The following MAP4 variants were observed in gnomAD, a reference collection of about 807,000 sequenced individuals.
The protein encoded by MAP4 is microtubule associated protein 4, also known as microtubule-associated protein 4.
MAP4 carries 76 observed loss-of-function variants against 170.2 expected under a neutral mutation model. That is an observed-to-expected ratio of 0.45 (90% confidence interval 0.37 to 0.54). The LOEUF is 0.54. Ranked by LOEUF, MAP4 falls within the 20% of genes least tolerant of loss-of-function variation. MAP4 has a pLI of 0.00. For missense variants in MAP4, 2,506 were observed against 2,748.0 expected (o/e 0.91, Z 1.97); for synonymous variants, 909 against 994.5 (o/e 0.91, Z 1.62).
At chr3:48,068,099 T>C (rs902504571) in intron 1 of MAP4, among the ~76,000 whole-genome samples, 3 of 151,550 alleles carry the variant, frequency 2.0e-5, no homozygotes, top group African/African-American at 7.3e-5. Flanking sequence ...ACCCCATCTA[T>C]ACAAAAAATA....
At chr3:48,023,355 TA>T (rs2100111494) in intron 1 of MAP4, among the ~76,000 whole-genome samples, 1 of 152,188 alleles carries the variant, frequency 6.6e-6, no homozygotes, top group Admixed American at 6.5e-5. Flanking sequence ...TAAAGAAGGA[TA>T]TTTTGTATTT....
intron 3 of MAP4, among the ~76,000 whole-genome samples, chr3:47,936,754 G>A (rs1387656696): frequency 3.9e-5 from 6 of 152,030 alleles, no homozygotes; most frequent in Admixed American, 3.3e-4. Context: ...GCCAAGGTAG[G>A]CAGATCACCT....
intron 6 of MAP4, among the ~76,000 whole-genome samples, chr3:47,918,504 A>T (rs966832497): frequency 1.3e-5 from 2 of 152,230 alleles, no homozygotes; most frequent in Non-Finnish European, 2.9e-5. Context: ...ATGTTAAAAA[A>T]TTTAAAAAAA....
chr3:47,895,021 C>CA (rs11401319), intron 10 of MAP4, among the ~76,000 whole-genome samples: 15,031 of 102,650 alleles, frequency 0.15, 2,422 homozygotes, highest in African/African-American at 0.42. Context: ...AAACCCTGTC[C>CA]AAAAAAAAAA....
intron 3 of MAP4, among the ~76,000 whole-genome samples, chr3:47,935,313 G>T (rs1326764170): frequency 6.6e-6 from 1 of 152,092 alleles, no homozygotes; most frequent in African/African-American, 2.4e-5. Context: ...GACAAAGTGG[G>T]GAAGACACAC....
intron 3 of MAP4, among the ~76,000 whole-genome samples, chr3:47,977,541 T>C (rs962605100): frequency 2.0e-5 from 3 of 152,090 alleles, no homozygotes; most frequent in African/African-American, 7.2e-5. Flanking sequence ...GTTTTAAGAG[T>C]TGTAGTGGCC....
At chr3:47,925,728 G>A (rs2100045462) in intron 4 of MAP4, among the ~76,000 whole-genome samples, 1 of 152,162 alleles carries the variant, frequency 6.6e-6, no homozygotes, top group South Asian at 2.1e-4. Context: ...GCAGTGGATA[G>A]GGAGATGGGG....
chr3:47,915,530 G>A (rs1209345432), intron 7 of MAP4, among the ~76,000 whole-genome samples: 1 of 152,100 alleles, frequency 6.6e-6, no homozygotes, highest in East Asian at 1.9e-4. Context: ...AGAATACATG[G>A]GGCAATATAT....
intron 2 of MAP4, among the ~76,000 whole-genome samples, chr3:47,988,912 A>G (rs1288264611): frequency 6.6e-6 from 1 of 152,084 alleles, no homozygotes; most frequent in Non-Finnish European, 1.5e-5. Flanking sequence ...TTCTGGGTTC[A>G]AGACTCTCTT....
At chr3:48,002,833 C>T (rs1243681282) in intron 1 of MAP4, among the ~76,000 whole-genome samples, 1 of 151,608 alleles carries the variant, frequency 6.6e-6, no homozygotes, top group African/African-American at 2.4e-5. Context: ...GCCGAGATTG[C>T]ACCACTGTAC....
intron 3 of MAP4, among the ~76,000 whole-genome samples, chr3:47,969,279 G>A (rs1164583187): frequency 6.6e-6 from 1 of 152,060 alleles, no homozygotes; most frequent in Non-Finnish European, 1.5e-5. Flanking sequence ...ATGGTGGTGG[G>A]AGCCTGTAAC....
In MAP4 at chr3:47,916,963, C is replaced by T; in HGVS notation, c.864G>A (p.Leu288=). 2 of 1,614,218 alleles carry T rather than the reference C, an allele frequency of 1.2e-6. No individual in the cohort carries two copies. The highest frequency in any genetic ancestry group is 1.7e-6 in the Non-Finnish European group (2 of 1,180,038). ...MESPTKLDVT[L]AKDMQPSMES... ...CCATGGATGGCTGCATGTCCTTGGC[C>T]AGTGTCACATCTAATTTGGTGGGTG... The change falls in exon 7 of 21, where the codon CTG becomes CTA. Residue 288 remains leucine (L), a synonymous_variant. Coordinates refer to ENST00000683076, the MANE Select transcript of MAP4 (RefSeq NM_001385682.1).
chr3:47,944,429 A>C (rs1489904783), intron 3 of MAP4, among the ~76,000 whole-genome samples: 1 of 152,122 alleles, frequency 6.6e-6, no homozygotes, highest in Non-Finnish European at 1.5e-5. Flanking sequence ...TTTACTTTAT[A>C]GAAAATGATA....
intron 2 of MAP4, among the ~76,000 whole-genome samples, chr3:47,990,189 GTGTAT>G (rs1272922307): frequency 6.6e-6 from 1 of 152,216 alleles, no homozygotes; most frequent in African/African-American, 2.4e-5. Context: ...AGAAATACCA[GTGTAT>G]TAAGGAGAAA....
At chr3:47,931,427 T>C (rs1359431645) in intron 3 of MAP4, among the ~76,000 whole-genome samples, 1 of 152,074 alleles carries the variant, frequency 6.6e-6, no homozygotes, top group Non-Finnish European at 1.5e-5. Flanking sequence ...ATGTGTAAAA[T>C]GGTAGTTTGG....
At chr3:47,881,892 T>C (rs1156408659) in intron 10 of MAP4, among the ~76,000 whole-genome samples, 1 of 152,144 alleles carries the variant, frequency 6.6e-6, no homozygotes, top group African/African-American at 2.4e-5. Context: ...GGAGCCGCTG[T>C]ACCTGGCCTA....
intron 1 of MAP4, among the ~76,000 whole-genome samples, chr3:48,030,899 T>G (rs201480129): frequency 3.0e-4 from 41 of 135,014 alleles, no homozygotes; most frequent in African/African-American, 1.1e-3. Flanking sequence ...ATATAAACAA[T>G]AGACTGAATA....
rs993616126 is a variant in MAP4 at position 47,944,831 on chromosome 3, C to T, written c.293-16481G>A. Among the ~76,000 whole-genome samples the T allele has an allele frequency of 3.3e-5, 5 of 150,626 alleles. No individual in the cohort carries two copies. The South Asian group carries it at 1.0e-3, about 31-fold the overall frequency. ...AAATTTAGATTCTAATTCTAACGAG[C>T]TAGTTTTTTTTTTTTAATTATGAGA... is the stretch of plus-strand genomic sequence containing the variant. On this transcript the variant is annotated intron_variant, in intron 3 of 20. Transcript: ENST00000683076.
intron 3 of MAP4, among the ~76,000 whole-genome samples, chr3:47,936,172 C>T (rs2100052694): frequency 6.6e-6 from 1 of 151,800 alleles, no homozygotes; most frequent in South Asian, 2.1e-4. Flanking sequence ...TGGTGGCTCA[C>T]ACCTGTAATC....
Sources: gnomAD v4.1 joint callset for allele counts (sites outside exome capture counted in the v4.1 genomes callset) on GRCh38, gnomAD v4.1.1 for gene constraint, MANE v1.5 for transcripts, NCBI Gene and HGNC (gene_info 2026-07-23, HGNC 2026-07-21) for gene names.